The following SCUBE2 variants were observed in gnomAD, a reference collection of about 807,000 sequenced individuals.
SCUBE2 encodes the protein signal peptide, CUB and EGF-like domain-containing protein 2.
A neutral mutation model predicts 125.9 loss-of-function variants in SCUBE2; 114 were observed. The ratio of observed to expected loss-of-function variants is 0.91; its 90% confidence interval spans 0.78 to 1.06. The LOEUF is 1.06. Among genes scored for constraint, SCUBE2 ranks in the 50% least tolerant of loss-of-function variants. The pLI is 0.00. For synonymous variants in SCUBE2, 459 were observed against 492.9 expected, an observed-to-expected ratio of 0.93 and a Z score of 0.91; for missense variants, 1,255 against 1,301.8, an observed-to-expected ratio of 0.96 and a Z score of 0.55.
At chr11:9,026,982 TAGG>T (rs1159949894) in intron 20 of SCUBE2, 7 of 242,920 alleles carry the variant, frequency 2.9e-5, no homozygotes, top group African/African-American at 9.0e-5. Context: ...TGAATCAGGA[TAGG>T]AGGACAGGTC....
intron 1 of SCUBE2, among the ~76,000 whole-genome samples, chr11:9,090,669 A>C (rs1285295012): frequency 1.3e-5 from 2 of 151,938 alleles, no homozygotes; most frequent in South Asian, 2.1e-4. Context: ...AGATGCTGCG[A>C]AGCGGGGATG....
intron 19 of SCUBE2, 31 bp from the exon 20 acceptor site, chr11:9,027,592 C>T (rs561845499): frequency 2.5e-5 from 40 of 1,587,762 alleles, no homozygotes; most frequent in Admixed American, 8.5e-5. Context: ...AGTTATGGCA[C>T]GACACTGTCA....
chr11:9,031,609 T>C (rs984559917), intron 17 of SCUBE2, among the ~76,000 whole-genome samples: 3 of 151,442 alleles, frequency 2.0e-5, no homozygotes, highest in African/African-American at 7.3e-5. Context: ...GCCTGGGTGA[T>C]CCAGAAAGAC....
intron 19 of SCUBE2, among the ~76,000 whole-genome samples, chr11:9,029,574 C>T (rs1050780624): frequency 5.9e-5 from 9 of 152,238 alleles, no homozygotes; most frequent in Admixed American, 3.9e-4. Context: ...ATGCTGGGCA[C>T]GTAACAGGTC....
intron 21 of SCUBE2, among the ~76,000 whole-genome samples, chr11:9,023,436 A>C (rs1855474186): frequency 6.6e-6 from 1 of 152,152 alleles, no homozygotes; most frequent in Non-Finnish European, 1.5e-5. Context: ...CTGCGGCAGT[A>C]TCTCTCCTCT....
At chr11:9,056,067 A>G (rs1859053657) in intron 9 of SCUBE2, among the ~76,000 whole-genome samples, 158 bp from the exon 10 acceptor site, 1 of 152,240 alleles carries the variant, frequency 6.6e-6, no homozygotes, top group African/African-American at 2.4e-5. Flanking sequence ...TGTGTTAAAG[A>G]AAGTGTGGAG....
chr11:9,052,295 C>T (rs1049523339), intron 13 of SCUBE2, among the ~76,000 whole-genome samples: 2 of 152,250 alleles, frequency 1.3e-5, no homozygotes, highest in Non-Finnish European at 2.9e-5. Flanking sequence ...TCCGGGAGGA[C>T]ACAGCCTCCT....
chr11:9,069,005 C>T (rs1164129303), intron 5 of SCUBE2, among the ~76,000 whole-genome samples: 8 of 152,078 alleles, frequency 5.3e-5, no homozygotes, highest in South Asian at 2.1e-4. Flanking sequence ...GTAGTGTCTG[C>T]GGAAAGGAGG....
In SCUBE2 at chr11:9,069,514, C is replaced by T. The variant is rs181065376; in HGVS notation, c.518-19G>A. On this transcript the variant is annotated intron_variant, in intron 4 of 22. Coordinates refer to ENST00000649792, the MANE Select transcript of SCUBE2 (RefSeq NM_001367977.2). ...AGGCCCTCTGAAAAACAGCAGTGTG[C>T]GACAGGTGACTAGGCTGTGGTCAGA... 1.3e-5 allele frequency: 21 copies of T among 1,613,776 alleles called. No homozygotes were observed. In the African/African-American group the frequency reaches 1.5e-4, roughly 11 times the overall value.
At position 9,079,384 on chromosome 11, in the gene SCUBE2, C is replaced by G; in HGVS notation, c.382G>C (p.Asp128His). ...TGCCATTTCCAAATGCCTTCCTTACCAAGACAATTATGACCGTCATGAGCC... is the reference window on the plus strand; with the variant it reads ...TGCCATTTCCAAATGCCTTCCTTACGAAGACAATTATGACCGTCATGAGCC... ...MLAHDGHNCLDVDECLENNGG... is the reference protein window; with the variant it reads ...MLAHDGHNCLHVDECLENNGG... The change falls in exon 3 of 23, where the codon GAT becomes CAT. Residue 128 changes from aspartate to histidine, a missense_variant and splice_region_variant. Physicochemically the swap from Asp to His is moderately conservative, Grantham distance 81. Transcript: ENST00000649792. 1 of 1,613,732 alleles carries G rather than the reference C, an allele frequency of 6.2e-7. No individual in the cohort carries two copies. The highest frequency in any genetic ancestry group is 8.5e-7 in the Non-Finnish European group (1 of 1,179,834).
chr11:9,048,047 C>A lies in SCUBE2; in HGVS notation c.1691G>T (p.Ser564Ile). ...ESFRYVNLTC[S>I]SGKQVPGAPG... is the part of the protein sequence containing the mutation. ...GGCTCCTGGGACTTGCTTGCCAGAG[C>A]TGCATGTAAGGTTTACGTAGCGGAA... The change falls in exon 15 of 23, where the codon AGC (serine) becomes ATC (isoleucine). Residue 564 changes from serine (S) to isoleucine (I), a missense_variant. Ser to Ile is a moderately radical substitution (Grantham distance 142). Around this residue, in one of 3 missense-constraint regions of SCUBE2, gnomAD observed 378 missense variants for 463.1 expected, o/e 0.82. Transcript: ENST00000649792. 1 of 1,614,202 alleles carries A rather than the reference C, an allele frequency of 6.2e-7. No homozygotes were observed. The highest frequency in any genetic ancestry group is 8.5e-7 in the Non-Finnish European group (1 of 1,180,020).
chr11:9,090,665 TGCGAA>T (rs1447329425), intron 1 of SCUBE2, among the ~76,000 whole-genome samples: 1 of 152,048 alleles, frequency 6.6e-6, no homozygotes. Flanking sequence ...TCTCAGATGC[TGCGAA>T]GCGGGGATGG....
intron 21 of SCUBE2, 68 bp from the exon 22 acceptor site, chr11:9,022,023 T>C: frequency 8.5e-7 from 1 of 1,174,608 alleles, no homozygotes; most frequent in Non-Finnish European, 1.3e-6. Flanking sequence ...TCTTTCACTT[T>C]TTGATAAGGT....
In SCUBE2 at chr11:9,055,798, C is replaced by T; in HGVS notation, c.1202G>A (p.Cys401Tyr). The T allele has an allele frequency of 1.9e-6, 3 of 1,613,354 alleles. No homozygotes were observed. The highest frequency in any genetic ancestry group is 2.5e-6 in the Non-Finnish European group (3 of 1,179,352). The change falls in exon 10 of 23, where the codon TGT (cysteine) becomes TAT (tyrosine). Residue 401 changes from cysteine to tyrosine, a missense_variant. Around this residue, in one of 3 missense-constraint regions of SCUBE2, gnomAD observed 378 missense variants for 463.1 expected, o/e 0.82. Coordinates refer to ENST00000649792, the MANE Select transcript of SCUBE2 (RefSeq NM_001367977.2). ...RGYTLYGFTH[C>Y]GDTNECSINN... ...GACAGGGGCAGTCTGCTCACCTCCACAGTGGGTGAAGCCATACAGGGTGTA... is the reference window on the plus strand; with the variant it reads ...GACAGGGGCAGTCTGCTCACCTCCATAGTGGGTGAAGCCATACAGGGTGTA...
At chr11:9,086,758 CAGG>C (rs1414449807) in intron 2 of SCUBE2, among the ~76,000 whole-genome samples, 1 of 148,844 alleles carries the variant, frequency 6.7e-6, no homozygotes, top group East Asian at 2.0e-4. Context: ...GAGGTTGAAG[CAGG>C]AGAATTGCTT....
intron 11 of SCUBE2, 84 bp from the exon 12 acceptor site, chr11:9,053,299 G>A (rs141354038): frequency 9.6e-6 from 11 of 1,141,124 alleles, no homozygotes; most frequent in East Asian, 2.4e-5. Flanking sequence ...TGCACCAAAG[G>A]CCCCAAGAAA....
At chr11:9,074,085 C>A (rs1171731628) in intron 4 of SCUBE2, among the ~76,000 whole-genome samples, 2 of 152,158 alleles carry the variant, frequency 1.3e-5, no homozygotes, top group East Asian at 3.9e-4. Flanking sequence ...AAGGATCCAG[C>A]CTCCTCCCTA....
At chr11:9,080,113 G>A (rs1228311461) in intron 2 of SCUBE2, among the ~76,000 whole-genome samples, 1 of 152,202 alleles carries the variant, frequency 6.6e-6, no homozygotes, top group East Asian at 1.9e-4. Context: ...CAATGGAACA[G>A]AACTGAGAGT....
intron 16 of SCUBE2, among the ~76,000 whole-genome samples, chr11:9,044,134 C>G (rs1857488616): frequency 6.6e-6 from 1 of 152,196 alleles, no homozygotes; most frequent in South Asian, 2.1e-4. Context: ...TGTCTTCAAA[C>G]AAATACAGCC....
Sources: gnomAD v4.1 joint callset for allele counts (sites outside exome capture counted in the v4.1 genomes callset) on GRCh38, gnomAD v4.1.1 for gene constraint, gnomAD v4.1.1 regional missense constraint, MANE v1.5 for transcripts, NCBI Gene and HGNC (gene_info 2026-07-23, HGNC 2026-07-21) for gene names.